DIAPH2: variants seen among roughly 807,000 people sequenced by gnomAD.
DIAPH2 encodes the protein diaphanous related formin 2, also known as protein diaphanous homolog 2.
DIAPH2 carries 35 observed loss-of-function variants against 92.7 expected under a neutral mutation model. That is an observed-to-expected ratio of 0.38 (90% CI 0.29 to 0.50). The LOEUF is 0.50. Among genes scored for constraint, DIAPH2 ranks in the 20% least tolerant of loss-of-function variants. The pLI is 0.94. For missense variants in DIAPH2, 701 were observed against 819.5 expected (o/e 0.86, Z 1.77); for synonymous variants, 301 against 280.4 (o/e 1.07, Z -0.73).
chrX:96,726,904 A>G lies in DIAPH2; in HGVS notation c.133-8854A>G, dbSNP rs138991620. On this transcript the variant is annotated intron_variant, in intron 1 of 26. Transcript: ENST00000324765. ...AGTAAATGGTAGCTATTAGTTAGGT[A>G]GAATAGACCAAACTTGCTGATCTCT... Among the ~76,000 whole-genome samples the G allele has an allele frequency of 2.4e-3, 265 of 112,090 alleles. 4 individuals carry two copies. Among genetic ancestry groups the G allele is most frequent in the African/African-American group, 8.1e-3 (250 of 30,853 alleles).
At chrX:97,123,723 T>C (rs1316954176) in intron 21 of DIAPH2, among the ~76,000 whole-genome samples, 1 of 112,446 alleles carries the variant, frequency 8.9e-6, no homozygotes, top group Non-Finnish European at 1.9e-5. Flanking sequence ...GCCACTTCTT[T>C]TGAGTTTATC....
At chrX:97,105,528 G>A (rs28595554) in intron 20 of DIAPH2, among the ~76,000 whole-genome samples, 11,581 of 110,860 alleles carry the variant, frequency 0.1, 884 homozygotes, top group African/African-American at 0.26. Context: ...CTTTACTAGG[G>A]AAAAAAGCAC....
At position 96,786,952 on chromosome X, in the gene DIAPH2, G is replaced by T. The variant is rs149264018; in HGVS notation, c.447+28694G>T. Among the ~76,000 whole-genome samples the T allele has an allele frequency of 7.3e-3, 811 of 111,775 alleles. 6 individuals carry two copies. Among genetic ancestry groups the T allele is most frequent in the African/African-American group, 0.025 (784 of 30,829 alleles). On this transcript the variant is annotated intron_variant, in intron 4 of 26. Transcript: ENST00000324765. ...TATGTACCGTGATGTAAACCTTATT[G>T]CTTGCTTTGATTTATATGCAAATAT...
intron 17 of DIAPH2, among the ~76,000 whole-genome samples, chrX:97,047,160 T>C (rs1379768794): frequency 9.0e-6 from 1 of 111,352 alleles, no homozygotes; most frequent in Non-Finnish European, 1.9e-5. Flanking sequence ...ATGGAAAAGA[T>C]GGAGTAGCTG....
At chrX:97,064,544 A>G (rs2066621190) in intron 17 of DIAPH2, among the ~76,000 whole-genome samples, 1 of 110,281 alleles carries the variant, frequency 9.1e-6, no homozygotes, top group Non-Finnish European at 1.9e-5. Context: ...TCTCGTCTCT[A>G]GTCTTTATCT....
At chrX:97,536,300 T>C (rs2071095261) in intron 26 of DIAPH2, among the ~76,000 whole-genome samples, 1 of 112,058 alleles carries the variant, frequency 8.9e-6, no homozygotes, top group Admixed American at 9.5e-5. Flanking sequence ...TGAAGAGCCC[T>C]TGTCATCAAA....
chrX:97,431,234 C>G (rs953856066), intron 26 of DIAPH2: 1 of 112,220 alleles, frequency 8.9e-6, no homozygotes, highest in Admixed American at 9.5e-5. Flanking sequence ...CTTCACTGCT[C>G]TTTCTTGAAC....
intron 23 of DIAPH2, among the ~76,000 whole-genome samples, chrX:97,279,104 A>G (rs1014107990): frequency 7.2e-5 from 8 of 111,547 alleles, no homozygotes; most frequent in African/African-American, 2.6e-4. Flanking sequence ...AACTGATCTG[A>G]ATAAGAGGAA....
intron 5 of DIAPH2, among the ~76,000 whole-genome samples, chrX:96,908,964 T>TA (rs1320594804): frequency 8.9e-6 from 1 of 111,733 alleles, no homozygotes; most frequent in Non-Finnish European, 1.9e-5. Flanking sequence ...GGAGGGCATG[T>TA]AAAGCAGCCT....
chrX:97,210,275 A>C (rs948055340), intron 22 of DIAPH2, among the ~76,000 whole-genome samples: 3 of 112,136 alleles, frequency 2.7e-5, no homozygotes, highest in African/African-American at 9.7e-5. Flanking sequence ...TCTTTCTTTC[A>C]GAAGTAATCA....
intron 4 of DIAPH2, among the ~76,000 whole-genome samples, chrX:96,844,708 G>A (rs993755081): frequency 9.0e-6 from 1 of 111,438 alleles, no homozygotes; most frequent in African/African-American, 3.3e-5. Context: ...TGTGGATAAC[G>A]GTAAACCTGA....
intron 26 of DIAPH2, among the ~76,000 whole-genome samples, chrX:97,457,823 C>A (rs2070421090): frequency 8.9e-6 from 1 of 112,111 alleles, no homozygotes; most frequent in African/African-American, 3.2e-5. Flanking sequence ...CTCCTTCAGC[C>A]ATGTGAAGAC....
In DIAPH2 at chrX:97,019,731, GTA is replaced by G. The variant is rs774523390; in HGVS notation, c.2051-53209_2051-53208del. 1.8e-3 allele frequency among the ~76,000 whole-genome samples: 193 copies of G among 109,226 alleles called. 1 individual carries two copies. The highest frequency in any genetic ancestry group is 2.9e-3 in the Non-Finnish European group (154 of 52,342). 94.8% of individuals were successfully genotyped at this position (109,226 alleles called of 115,157 possible). On this transcript the variant is annotated intron_variant, in intron 17 of 26. Coordinates refer to ENST00000324765, the MANE Select transcript of DIAPH2 (RefSeq NM_006729.5). The stretch of plus-strand genomic sequence containing the variant: ...AAAACAAGATTTTGCCTCTGAATAT[GTA>G]ATAGGCATTAATAGATTTTCACTTG...
intron 21 of DIAPH2, among the ~76,000 whole-genome samples, chrX:97,124,981 A>G (rs2067082342): frequency 9.0e-6 from 1 of 111,451 alleles, no homozygotes; most frequent in Non-Finnish European, 1.9e-5. Flanking sequence ...TGAAGCCAAA[A>G]AGGGTGTGTG....
At chrX:97,047,542 C>CTT (rs5903064) in intron 17 of DIAPH2, among the ~76,000 whole-genome samples, 487 of 30,053 alleles carry the variant, frequency 0.016, 60 homozygotes, top group Middle Eastern at 0.059. Context: ...ATAAAATAGG[C>CTT]TTTTTTTTTT....
intron 21 of DIAPH2, 51 bp from the exon 22 acceptor site, chrX:97,141,614 A>G (rs759682818): frequency 9.0e-7 from 1 of 1,106,104 alleles, no homozygotes; most frequent in South Asian, 2.1e-5. Context: ...ACTTGTTTAA[A>G]AAAGTATTTA....
intron 26 of DIAPH2, among the ~76,000 whole-genome samples, chrX:97,507,806 C>A (rs1044102729): frequency 9.0e-6 from 1 of 111,193 alleles, no homozygotes; most frequent in Non-Finnish European, 1.9e-5. Flanking sequence ...CCCTAATTCC[C>A]CCACAGAGCC....
intron 4 of DIAPH2, among the ~76,000 whole-genome samples, chrX:96,869,323 G>A (rs1375414308): frequency 2.7e-5 from 3 of 110,470 alleles, no homozygotes; most frequent in African/African-American, 9.9e-5. Flanking sequence ...CAGCACTTTG[G>A]GAGGCCGAGG....
intron 22 of DIAPH2, among the ~76,000 whole-genome samples, chrX:97,146,970 A>G (rs1422746913): frequency 9.0e-6 from 1 of 111,452 alleles, no homozygotes; most frequent in East Asian, 2.8e-4. Context: ...CTGAAGAATT[A>G]GAGAGCAGTT....
Sources: gnomAD v4.1 joint callset for allele counts (sites outside exome capture counted in the v4.1 genomes callset) on GRCh38, gnomAD v4.1.1 for gene constraint, MANE v1.5 for transcripts, NCBI Gene and HGNC (gene_info 2026-07-23, HGNC 2026-07-21) for gene names.